CCDC85A: variants seen among roughly 807,000 people sequenced by gnomAD.
The protein encoded by CCDC85A is coiled-coil domain-containing protein 85A.
In CCDC85A, 38 loss-of-function variants were observed where a neutral mutation model predicts 50.2. That is an observed-to-expected ratio of 0.76 (90% CI 0.58 to 0.99). CCDC85A has a LOEUF of 0.99. CCDC85A is among the 50% of genes least tolerant of loss of function. The pLI is 0.00. For synonymous variants in CCDC85A, 366 were observed against 301.4 expected (o/e 1.21, Z -2.22); for missense variants, 820 against 742.0 (o/e 1.11, Z -1.22).
intron 2 of CCDC85A, among the ~76,000 whole-genome samples, chr2:56,279,429 C>T (rs138289205): frequency 6.6e-6 from 1 of 152,246 alleles, no homozygotes; most frequent in African/African-American, 2.4e-5. Flanking sequence ...CTCCCCCTCC[C>T]ACCACCTATT....
intron 2 of CCDC85A, chr2:56,235,193 GTGGATAATCTCATTAGT>G (rs1668952269): frequency 6.6e-6 from 1 of 152,148 alleles, no homozygotes; most frequent in Non-Finnish European, 1.5e-5. Flanking sequence ...AAATGAAAAA[GTGGATAATCTCATTAGT>G]TGGAATTGTT....
intron 2 of CCDC85A, among the ~76,000 whole-genome samples, chr2:56,266,580 C>A (rs1421884216): frequency 1.2e-5 from 1 of 84,072 alleles, no homozygotes; most frequent in Non-Finnish European, 2.6e-5. Context: ...AATAACGCGC[C>A]CCCCCCCCCC....
chr2:56,372,422 G>C lies in CCDC85A; in HGVS notation c.1396G>C (p.Val466Leu). ...EKGWGSRARRVLQWWQGCRGI... is the reference protein window; with the variant it reads ...EKGWGSRARRLLQWWQGCRGI... ...AGGCTGGGGGTCCAGAGCCCGGCGG[G>C]TCTTGCAGTGGTGGCAAGGGTGCCG... Residue 466 changes from valine to leucine, a missense_variant, in exon 4 of 6, where the codon GTC becomes CTC. Physicochemically the swap from Val to Leu is conservative, Grantham distance 32. Coordinates refer to ENST00000407595, the MANE Select transcript of CCDC85A (RefSeq NM_001080433.2). 6.2e-7 allele frequency: 1 copy of C among 1,608,834 alleles called. No homozygotes were observed. Among genetic ancestry groups the C allele is most frequent in the Non-Finnish European group, 8.5e-7 (1 of 1,177,572 alleles).
At chr2:56,247,725 A>G (rs1186339665) in intron 2 of CCDC85A, among the ~76,000 whole-genome samples, 1 of 152,226 alleles carries the variant, frequency 6.6e-6, no homozygotes, top group Non-Finnish European at 1.5e-5. Flanking sequence ...ATCATAAGGG[A>G]TATGAGGGAC....
intron 3 of CCDC85A, among the ~76,000 whole-genome samples, chr2:56,363,183 C>T (rs932735585): frequency 2.0e-5 from 3 of 152,106 alleles, no homozygotes; most frequent in African/African-American, 7.2e-5. Context: ...CCAGTAAGAG[C>T]TGTTTGTGAC....
At chr2:56,274,042 G>A (rs1240671325) in intron 2 of CCDC85A, among the ~76,000 whole-genome samples, 4 of 152,148 alleles carry the variant, frequency 2.6e-5, no homozygotes, top group Non-Finnish European at 5.9e-5. Context: ...GTATCTGGAG[G>A]ATGGGAGAGG....
chr2:56,193,274 C>T lies in CCDC85A; in HGVS notation c.1074C>T (p.Ser358=), dbSNP rs750889865. The T allele has an allele frequency of 6.2e-7, 1 of 1,613,946 alleles. No homozygotes were observed. The highest frequency in any genetic ancestry group is 8.5e-7 in the Non-Finnish European group (1 of 1,179,876). Residue 358 remains serine, a synonymous_variant, in exon 2 of 6, where the codon AGC becomes AGT. Transcript: ENST00000407595. The part of the protein sequence containing the change: ...LEHLPRARGT[S]PEHLKQHYGG... ...ATCTCCCCAGAGCCAGGGGCACCAG[C>T]CCGGAGCACCTCAAACAACATTATG...
At chr2:56,372,817 AAAAT>A (rs1676143894) in intron 4 of CCDC85A, among the ~76,000 whole-genome samples, 2 of 152,176 alleles carry the variant, frequency 1.3e-5, no homozygotes, top group Non-Finnish European at 2.9e-5. Context: ...TTTGCCCTTT[AAAAT>A]TGTCTACTGA....
intron 4 of CCDC85A, among the ~76,000 whole-genome samples, chr2:56,374,334 T>C (rs147645522): frequency 1.2e-4 from 18 of 152,142 alleles, no homozygotes; most frequent in Admixed American, 1.1e-3. Flanking sequence ...TTTGAGGACA[T>C]AGGAGAAATG....
In CCDC85A at chr2:56,384,994, C is replaced by T. The variant is rs944815465; in HGVS notation, c.*639C>T. ...CCTACCAGCTAGAAGGGTAGCAAGA[C>T]GTTGTAGAGTGCTTATCAGAGAGTA... On this transcript the variant is annotated 3_prime_UTR_variant, in exon 6 of 6. Coordinates refer to ENST00000407595, the MANE Select transcript of CCDC85A (RefSeq NM_001080433.2). The T allele has an allele frequency of 6.6e-6, 1 of 152,234 alleles. No individual in the cohort carries two copies. The highest frequency in any genetic ancestry group is 1.5e-5 in the Non-Finnish European group (1 of 67,918). 9.4% of individuals were successfully genotyped at this position (152,234 alleles called of 1,614,324 possible). A position where few individuals can be genotyped will look rare whatever the true frequency, so the allele number is the denominator to read the frequency against.
intron 5 of CCDC85A, among the ~76,000 whole-genome samples, chr2:56,382,561 A>T (rs748084395): frequency 1.1e-4 from 16 of 151,926 alleles, no homozygotes; most frequent in Non-Finnish European, 2.2e-4. Context: ...GGCTCTTGTA[A>T]ATTCCCTGAG....
intron 2 of CCDC85A, among the ~76,000 whole-genome samples, chr2:56,249,551 T>C (rs1318594976): frequency 6.6e-6 from 1 of 152,212 alleles, no homozygotes; most frequent in Non-Finnish European, 1.5e-5. Flanking sequence ...GGTCACTGGG[T>C]CATTGGTCAG....
intron 2 of CCDC85A, among the ~76,000 whole-genome samples, chr2:56,339,493 A>G (rs888587251): frequency 1.3e-5 from 2 of 152,328 alleles, no homozygotes; most frequent in African/African-American, 4.8e-5. Context: ...GAAAAGAGAA[A>G]TAGATGAAGG....
At chr2:56,369,723 T>C (rs745456608) in intron 3 of CCDC85A, among the ~76,000 whole-genome samples, 47 of 152,134 alleles carry the variant, frequency 3.1e-4, no homozygotes, top group Admixed American at 2.4e-3. Flanking sequence ...TTCGCTGAGA[T>C]GCCTGGTGAG....
At chr2:56,365,974 T>A (rs1675771659) in intron 3 of CCDC85A, among the ~76,000 whole-genome samples, 1 of 152,190 alleles carries the variant, frequency 6.6e-6, no homozygotes, top group Non-Finnish European at 1.5e-5. Flanking sequence ...TAAACTTTTT[T>A]TTTAAGATTT....
At chr2:56,376,032 G>C (rs538633026) in intron 5 of CCDC85A, 97 bp downstream of exon 5, 2 of 1,311,582 alleles carry the variant, frequency 1.5e-6, no homozygotes, top group Non-Finnish European at 2.0e-6. Context: ...TTGAACCATA[G>C]ATATTTTATT....
chr2:56,337,810 A>G (rs1187250554), intron 2 of CCDC85A, among the ~76,000 whole-genome samples: 1 of 148,122 alleles, frequency 6.8e-6, no homozygotes, highest in Non-Finnish European at 1.5e-5. Context: ...TTTGAGACAG[A>G]GTATGGCTCT....
rs112535710 is a variant in CCDC85A, at chr2:56,278,954, G to A, written c.1241-63925G>A. On this transcript the variant is annotated intron_variant, in intron 2 of 5. Coordinates refer to ENST00000407595, the MANE Select transcript of CCDC85A (RefSeq NM_001080433.2). ...TGTGTTAGGGATCAACAGGAGGCACGAGGGGGAAGGAACAAACCATCTCCT... is the reference window on the plus strand; with the variant it reads ...TGTGTTAGGGATCAACAGGAGGCACAAGGGGGAAGGAACAAACCATCTCCT... 9.3e-3 allele frequency among the ~76,000 whole-genome samples: 1,413 copies of A among 152,264 alleles called. 30 individuals are homozygous for A. The highest frequency in any genetic ancestry group is 0.031 in the African/African-American group (1,297 of 41,558).
At chr2:56,248,283 G>A (rs190196860) in intron 2 of CCDC85A, among the ~76,000 whole-genome samples, 1 of 152,174 alleles carries the variant, frequency 6.6e-6, no homozygotes, top group East Asian at 1.9e-4. Context: ...CTCTGGAACG[G>A]TCTCCCTTGG....
Sources: gnomAD v4.1 joint callset for allele counts (sites outside exome capture counted in the v4.1 genomes callset) on GRCh38, gnomAD v4.1.1 for gene constraint, MANE v1.5 for transcripts, NCBI Gene and HGNC (gene_info 2026-07-23, HGNC 2026-07-21) for gene names.